GALNT11: variants seen among roughly 807,000 people sequenced by gnomAD.
GALNT11 encodes the protein UDP-GalNAc:polypeptide N-acetylgalactosaminyltransferase 11.
GALNT11 carries 47 observed loss-of-function variants against 72.7 expected under a neutral mutation model. That is an observed-to-expected ratio of 0.65 (90% CI 0.51 to 0.82). GALNT11 has a LOEUF of 0.82. Among genes scored for constraint, GALNT11 ranks in the 40% least tolerant of loss-of-function variants. GALNT11 has a pLI of 0.00. For missense variants in GALNT11, 677 were observed against 778.4 expected (o/e 0.87, Z 1.55); for synonymous variants, 270 against 286.6 (o/e 0.94, Z 0.58).
intron 1 of GALNT11, among the ~76,000 whole-genome samples, chr7:152,031,288 C>T (rs911763399): frequency 6.6e-6 from 1 of 152,176 alleles, no homozygotes; most frequent in Non-Finnish European, 1.5e-5. Context: ...GCTAAGGGGA[C>T]TTATAAGAGG....
intron 10 of GALNT11, chr7:152,119,055 A>ATT (rs2089173951): frequency 3.8e-6 from 1 of 261,818 alleles, no homozygotes; most frequent in Admixed American, 5.5e-5. Context: ...CTTAGATGAC[A>ATT]CCTCAGTCAG....
chr7:152,052,076 G>A (rs112961427), intron 1 of GALNT11, among the ~76,000 whole-genome samples: 47 of 152,074 alleles, frequency 3.1e-4, no homozygotes, highest in African/African-American at 1.1e-3. Flanking sequence ...GTGAATATGC[G>A]TATTCTAGAT....
At chr7:152,113,629 C>T (rs1021930076) in intron 8 of GALNT11, among the ~76,000 whole-genome samples, 3 of 147,898 alleles carry the variant, frequency 2.0e-5, no homozygotes, top group African/African-American at 5.0e-5. Flanking sequence ...AGAAGTAATG[C>T]GGCTAATGTT....
intron 1 of GALNT11, among the ~76,000 whole-genome samples, chr7:152,042,112 G>A (rs1405816091): frequency 6.6e-6 from 1 of 152,200 alleles, no homozygotes; most frequent in Non-Finnish European, 1.5e-5. Context: ...ATACCTTGTG[G>A]CAACACTTTC....
intron 1 of GALNT11, among the ~76,000 whole-genome samples, chr7:152,038,139 G>A (rs2082675356): frequency 6.6e-6 from 1 of 152,132 alleles, no homozygotes; most frequent in Admixed American, 6.5e-5. Flanking sequence ...GCCGAGACCA[G>A]CTGGGTCATG....
At chr7:152,099,947 ATTTTTTTT>A (rs768708954) in intron 2 of GALNT11, among the ~76,000 whole-genome samples, 6 of 114,470 alleles carry the variant, frequency 5.2e-5, no homozygotes, top group South Asian at 2.9e-4. Flanking sequence ...CACCTGGCTA[ATTTTTTTT>A]TTTTTTTTTT....
chr7:152,098,524 A>G (rs1046815319), intron 2 of GALNT11, among the ~76,000 whole-genome samples: 1 of 152,162 alleles, frequency 6.6e-6, no homozygotes, highest in Non-Finnish European at 1.5e-5. Context: ...GTCCTCTGGC[A>G]TGTTAATTCA....
At chr7:152,099,530 G>GT (rs1009548038) in intron 2 of GALNT11, among the ~76,000 whole-genome samples, 3,675 of 57,654 alleles carry the variant, frequency 0.064, 710 homozygotes, top group Non-Finnish European at 0.085. Flanking sequence ...CTCCCGCCTA[G>GT]TTTTTTTTTT....
At chr7:152,115,322 G>A (rs549333640) in intron 8 of GALNT11, among the ~76,000 whole-genome samples, 1 of 152,312 alleles carries the variant, frequency 6.6e-6, no homozygotes, top group South Asian at 2.1e-4. Context: ...TCAGCACCCA[G>A]TTATACTGTA....
At chr7:152,067,395 G>A (rs988063445) in intron 1 of GALNT11, among the ~76,000 whole-genome samples, 1 of 151,946 alleles carries the variant, frequency 6.6e-6, no homozygotes, top group African/African-American at 2.4e-5. Context: ...GTGGAGATCT[G>A]TTATAGTCTG....
At position 152,103,209 on chromosome 7, in the gene GALNT11, A is replaced by G. The variant is rs1229246246; in HGVS notation, c.517A>G (p.Ser173Gly). 2.5e-6 allele frequency: 4 copies of G among 1,613,736 alleles called. No individual in the cohort carries two copies. The highest frequency in any genetic ancestry group is 2.2e-5 in the East Asian group (1 of 44,886). Residue 173 changes from serine to glycine, a missense_variant, in exon 4 of 12, where the codon AGT becomes GGT. Coordinates refer to ENST00000430044, the MANE Select transcript of GALNT11 (RefSeq NM_022087.4). ...AFSALLRTVH[S>G]VIDRTPAHLL... ...TTCTGCCTTGCTTCGGACAGTGCAC[A>G]GTGTCATAGACCGCACGCCAGCACA...
chr7:152,026,988 G>A (rs531732759), intron 1 of GALNT11, among the ~76,000 whole-genome samples: 18 of 152,304 alleles, frequency 1.2e-4, no homozygotes, highest in East Asian at 7.7e-4. Context: ...GGTGGCTCAC[G>A]CCTGTAATCC....
chr7:152,104,223 A>G (rs1284194722), intron 4 of GALNT11: 1 of 152,260 alleles, frequency 6.6e-6, no homozygotes, highest in African/African-American at 2.4e-5. Context: ...GTTAAGTAGT[A>G]GAGTGGAAAT....
chr7:152,075,808 A>AAAGACACTTTGG (rs1554424057), intron 1 of GALNT11, among the ~76,000 whole-genome samples: 2 of 151,742 alleles, frequency 1.3e-5, no homozygotes, highest in African/African-American at 2.4e-5. Context: ...AAAAAAAAAA[A>AAAGACACTTTGG]AAAGACACTT....
At chr7:152,089,673 C>T (rs1048949866) in intron 1 of GALNT11, among the ~76,000 whole-genome samples, 2 of 152,138 alleles carry the variant, frequency 1.3e-5, no homozygotes, top group African/African-American at 4.8e-5. Flanking sequence ...GTGAGCATGT[C>T]CAGCACAAAT....
At chr7:152,115,357 C>T (rs1488133138) in intron 8 of GALNT11, among the ~76,000 whole-genome samples, 3 of 152,196 alleles carry the variant, frequency 2.0e-5, no homozygotes, top group East Asian at 1.9e-4. Flanking sequence ...CACCAGCACT[C>T]ACTCAGAAGA....
intron 6 of GALNT11, 147 bp from the exon 7 acceptor site, chr7:152,110,381 A>G (rs181215456): frequency 2.5e-5 from 17 of 687,784 alleles, no homozygotes; most frequent in Non-Finnish European, 3.8e-5. Context: ...GGCCTGGCTC[A>G]TTCTCTGATA....
At chr7:152,030,091 G>A (rs1009660840) in intron 1 of GALNT11, among the ~76,000 whole-genome samples, 1 of 152,178 alleles carries the variant, frequency 6.6e-6, no homozygotes, top group East Asian at 1.9e-4. Flanking sequence ...TTCCCCGTGT[G>A]CGGAGACGAG....
chr7:152,058,239 G>A (rs541732671), intron 1 of GALNT11, among the ~76,000 whole-genome samples: 2 of 152,198 alleles, frequency 1.3e-5, no homozygotes, highest in Non-Finnish European at 2.9e-5. Context: ...TGAGCCTTCA[G>A]TGAGTGGTAA....
Sources: gnomAD v4.1 joint callset for allele counts (sites outside exome capture counted in the v4.1 genomes callset) on GRCh38, gnomAD v4.1.1 for gene constraint, MANE v1.5 for transcripts, NCBI Gene and HGNC (gene_info 2026-07-23, HGNC 2026-07-21) for gene names.